The following CAND1 variants were observed in gnomAD, a reference collection of about 807,000 sequenced individuals.
CAND1 encodes the protein cullin-associated NEDD8-dissociated protein 1.
A neutral mutation model predicts 108.5 loss-of-function variants in CAND1; 7 were observed. That is an observed-to-expected ratio of 0.06 (90% CI 0.04 to 0.12). The LOEUF (loss-of-function observed/expected upper bound fraction) is 0.12, where lower values mean the gene tolerates loss of function less well. Among genes scored for constraint, CAND1 ranks in the 10% least tolerant of loss-of-function variants. The pLI, the probability that CAND1 is intolerant of heterozygous loss-of-function variation, is 1.00. For synonymous variants in CAND1, 534 were observed against 512.0 expected, an observed-to-expected ratio of 1.04 and a Z score of -0.58; for missense variants, 941 against 1,448.7, an observed-to-expected ratio of 0.65 and a Z score of 5.69.
intron 7 of CAND1, 52 bp from the exon 8 acceptor site, chr12:67,302,271 G>GT: frequency 6.8e-7 from 1 of 1,479,090 alleles, no homozygotes; most frequent in Non-Finnish European, 9.2e-7. Flanking sequence ...TGTTTTAAAT[G>GT]ATATACTTCT....
At chr12:67,295,863 G>A (rs1452448560) in intron 4 of CAND1, among the ~76,000 whole-genome samples, 1 of 152,146 alleles carries the variant, frequency 6.6e-6, no homozygotes, top group Non-Finnish European at 1.5e-5. Flanking sequence ...TAAGAACACC[G>A]ATGGCTACAG....
intron 14 of CAND1, among the ~76,000 whole-genome samples, chr12:67,312,384 A>C (rs545474323): frequency 2.0e-5 from 3 of 152,260 alleles, no homozygotes; most frequent in African/African-American, 7.2e-5. Flanking sequence ...ATTTGGGTCT[A>C]GATTTTCTGT....
At chr12:67,311,969 C>T (rs1338221294) in intron 14 of CAND1, among the ~76,000 whole-genome samples, 169 bp downstream of exon 14, 5 of 152,160 alleles carry the variant, frequency 3.3e-5, no homozygotes, top group Admixed American at 6.5e-5. Flanking sequence ...GCCCTGTTAA[C>T]GGCTATTCTT....
At chr12:67,271,676 G>C (rs775628) in intron 1 of CAND1, among the ~76,000 whole-genome samples, 113,182 of 152,130 alleles carry the variant, frequency 0.74, 43,050 homozygotes, top group African/African-American at 0.9. Context: ...TAAAGATTAT[G>C]TATGAATTTT....
intron 2 of CAND1, among the ~76,000 whole-genome samples, chr12:67,290,609 T>G (rs2044713759): frequency 6.6e-6 from 1 of 152,206 alleles, no homozygotes; most frequent in Admixed American, 6.5e-5. Flanking sequence ...TAAATTTGTT[T>G]TTAATCATGC....
In CAND1 at chr12:67,305,289, C is replaced by A. The variant is rs745930494; in HGVS notation, c.1621C>A (p.Leu541Ile). The A allele has an allele frequency of 1.2e-6, 2 of 1,614,136 alleles. No homozygotes were observed. The highest frequency in any genetic ancestry group is 1.7e-6 in the Non-Finnish European group (2 of 1,180,016). ...TTACAAAATTACATCTGAAGCACTTCTTGTTACTCAACAGCTTGTCAAAGT... is the reference window on the plus strand; with the variant it reads ...TTACAAAATTACATCTGAAGCACTTATTGTTACTCAACAGCTTGTCAAAGT... ...PFYKITSEAL[L>I]VTQQLVKVIR... The change falls in exon 10 of 15, where the codon CTT becomes ATT. Residue 541 changes from leucine (L) to isoleucine (I), a missense_variant. Physicochemically the swap from Leu to Ile is conservative, Grantham distance 5. Transcript: ENST00000545606. This position sits in a 1 kb window ranked among gnomAD's most constrained non-coding sequence, Gnocchi z 4.4.
intron 1 of CAND1, among the ~76,000 whole-genome samples, chr12:67,280,205 T>C (rs1398454868): frequency 6.6e-6 from 1 of 152,218 alleles, no homozygotes; most frequent in African/African-American, 2.4e-5. Flanking sequence ...TGGTAAGAAT[T>C]AAACTATTAG....
chr12:67,270,331 T>C (rs572555920), intron 1 of CAND1: 1 of 152,578 alleles, frequency 6.6e-6, no homozygotes, highest in African/African-American at 2.4e-5. Context: ...CATAGTTCTT[T>C]TGTGGATTAT....
intron 2 of CAND1, among the ~76,000 whole-genome samples, chr12:67,284,269 G>T (rs572776177): frequency 3.2e-4 from 49 of 151,302 alleles, no homozygotes. Context: ...CCTGACTAAT[G>T]ATAATACTTA....
intron 2 of CAND1, among the ~76,000 whole-genome samples, chr12:67,288,537 AT>A (rs2044693946): frequency 6.6e-6 from 1 of 152,120 alleles, no homozygotes. Flanking sequence ...TTTTTCTTGC[AT>A]TTTAAAGCTG....
At chr12:67,304,497 C>T (rs2044858634) in intron 8 of CAND1, 108 bp from the exon 9 acceptor site, 1 of 1,202,870 alleles carries the variant, frequency 8.3e-7, no homozygotes. Flanking sequence ...AGGAATTTAA[C>T]AAAAAAAGAT....
chr12:67,284,650 T>C (rs1423832399), intron 2 of CAND1, among the ~76,000 whole-genome samples: 1 of 118,506 alleles, frequency 8.4e-6, no homozygotes, highest in Non-Finnish European at 1.9e-5. Context: ...CTGTTCCAGG[T>C]AAAACATGTA....
chr12:67,276,775 G>GT (rs2044573742), intron 1 of CAND1, among the ~76,000 whole-genome samples: 2 of 152,188 alleles, frequency 1.3e-5, no homozygotes, highest in Non-Finnish European at 2.9e-5. Context: ...CTGAGGTTTA[G>GT]TTATGAGTCT....
intron 2 of CAND1, among the ~76,000 whole-genome samples, chr12:67,283,901 A>G (rs1343049353): frequency 6.6e-6 from 1 of 152,172 alleles, no homozygotes; most frequent in African/African-American, 2.4e-5. Flanking sequence ...AATAACATAT[A>G]TTCAAGAAAA....
chr12:67,302,042 G>C (rs1490738467), intron 7 of CAND1, among the ~76,000 whole-genome samples: 2 of 152,052 alleles, frequency 1.3e-5, no homozygotes, highest in African/African-American at 4.8e-5. Context: ...TGATTTTAAA[G>C]GGTTAAAATA....
intron 1 of CAND1, among the ~76,000 whole-genome samples, chr12:67,273,001 T>G (rs1279921604): frequency 6.6e-6 from 1 of 152,164 alleles, no homozygotes; most frequent in Non-Finnish European, 1.5e-5. Flanking sequence ...CATGCAGGGT[T>G]TTTTGTTTGT....
At chr12:67,284,194 C>A (rs2044646343) in intron 2 of CAND1, among the ~76,000 whole-genome samples, 1 of 151,596 alleles carries the variant, frequency 6.6e-6, no homozygotes, top group African/African-American at 2.4e-5. Context: ...TAGTACTGTT[C>A]TAGAACATAG....
chr12:67,271,418 A>G (rs2044519741), intron 1 of CAND1, among the ~76,000 whole-genome samples: 1 of 152,138 alleles, frequency 6.6e-6, no homozygotes, highest in Non-Finnish European at 1.5e-5. Flanking sequence ...ATTGTGGTCA[A>G]TTTCAGTCTG....
At position 67,317,473 on chromosome 12, in the gene CAND1, ATTTTTTTTTTTT is replaced by A. The variant is rs61481589; in HGVS notation, c.*4655_*4666del. On this transcript the variant is annotated 3_prime_UTR_variant, in exon 15 of 15. Coordinates refer to ENST00000545606, the MANE Select transcript of CAND1 (RefSeq NM_018448.5). ...CTTTTTTCTTTTTTTTTCTTTCTTA[ATTTTTTTTTTTT>A]TTTTTTTTTTTGAGATTGATGGAGT... 1 of 88,218 alleles carries A rather than the reference ATTTTTTTTTTTT, an allele frequency of 1.1e-5. No homozygotes were observed. The highest frequency in any genetic ancestry group is 5.4e-5 in the African/African-American group (1 of 18,420). The allele number at this position is 88,218 out of a possible 1,614,324, so 5.5% of individuals were successfully genotyped here.
Sources: gnomAD v4.1 joint callset for allele counts (sites outside exome capture counted in the v4.1 genomes callset) on GRCh38, gnomAD v4.1.1 for gene constraint, Gnocchi (gnomAD v3.1) non-coding constraint, MANE v1.5 for transcripts, NCBI Gene and HGNC (gene_info 2026-07-23, HGNC 2026-07-21) for gene names.